PECAM1: variants seen among roughly 807,000 people sequenced by gnomAD.
PECAM1 encodes the protein platelet endothelial cell adhesion molecule.
In PECAM1, 8 loss-of-function variants were observed where a neutral mutation model predicts 13.8. The observed-to-expected ratio is 0.58, with a 90% confidence interval of 0.34 to 1.05. PECAM1 has a LOEUF of 1.05. PECAM1 is among the 50% of genes least tolerant of loss of function. The pLI is 0.03. For synonymous variants in PECAM1, 136 were observed against 52.6 expected, an observed-to-expected ratio of 2.58 and a Z score of -6.86; for missense variants, 304 against 141.2, an observed-to-expected ratio of 2.15 and a Z score of -5.84.
At chr17:64,327,766 CTT>C (rs782086025) in intron 15 of PECAM1, among the ~76,000 whole-genome samples, 22 of 152,188 alleles carry the variant, frequency 1.4e-4, no homozygotes, top group Admixed American at 5.2e-4. Flanking sequence ...CCAAATTAGT[CTT>C]TGGCTACGTG....
intron 14 of PECAM1, among the ~76,000 whole-genome samples, chr17:64,337,380 T>C (rs992771798): frequency 3.9e-5 from 6 of 152,188 alleles, no homozygotes; most frequent in African/African-American, 1.4e-4. Context: ...CTGAACTCTA[T>C]AGGGCTCAAG....
intron 14 of PECAM1, among the ~76,000 whole-genome samples, chr17:64,332,798 A>G (rs2143694263): frequency 6.6e-6 from 1 of 152,356 alleles, no homozygotes; most frequent in East Asian, 1.9e-4. Flanking sequence ...GGATGCGGTG[A>G]GGACCAGGGT....
chr17:64,388,857 G>A (rs983411469), intron 2 of PECAM1, among the ~76,000 whole-genome samples: 108 of 152,150 alleles, frequency 7.1e-4, no homozygotes, highest in African/African-American at 2.5e-3. Context: ...TAGTAGAGAC[G>A]GGGTTTCACT....
In PECAM1 at chr17:64,321,297, T is replaced by G. The variant is rs1285386869; in HGVS notation, c.*2519A>C. The G allele has an allele frequency of 3.3e-6, 1 of 305,502 alleles. No homozygotes were observed. 18.9% of individuals were successfully genotyped at this position (305,502 alleles called of 1,614,324 possible). A position where few individuals can be genotyped will look rare whatever the true frequency, so the allele number is the denominator to read the frequency against. ...ACTCCTGGAGTGGGTGCTCCTGGGA[T>G]GCTTCAGGTTTAGACACCGGGGTTA... On this transcript the variant is annotated 3_prime_UTR_variant, in exon 16 of 16. Coordinates refer to ENST00000563924, the MANE Select transcript of PECAM1 (RefSeq NM_000442.5).
chr17:64,344,603 G>A (rs992231574), intron 13 of PECAM1, among the ~76,000 whole-genome samples: 1 of 151,966 alleles, frequency 6.6e-6, no homozygotes, highest in Middle Eastern at 3.2e-3. Flanking sequence ...CATAGGAGGA[G>A]GAAGTCTTGA....
intron 11 of PECAM1, 114 bp from the exon 12 acceptor site, chr17:64,350,547 C>A: frequency 2.5e-6 from 1 of 400,780 alleles, no homozygotes; most frequent in Non-Finnish European, 4.6e-6. Flanking sequence ...AGTGTAGTGA[C>A]AACCAGCACT....
chr17:64,361,387 C>T (rs1363569032), intron 6 of PECAM1, among the ~76,000 whole-genome samples: 2 of 152,100 alleles, frequency 1.3e-5, no homozygotes, highest in East Asian at 3.9e-4. Flanking sequence ...CTCAGGTGAT[C>T]CACCCACCTT....
chr17:64,322,605 T>A lies in PECAM1; in HGVS notation c.*1211A>T. 4.1e-6 allele frequency: 4 copies of A among 985,400 alleles called. No homozygotes were observed. Among genetic ancestry groups the A allele is most frequent in the Non-Finnish European group, 4.8e-6 (4 of 829,908 alleles). The allele number at this position is 985,400 out of a possible 1,614,324, so 61.0% of individuals were successfully genotyped here. A position where few individuals can be genotyped will look rare whatever the true frequency, so the allele number is the denominator to read the frequency against. ...AAAAGTGATTTTGGCTAGGCGTGGTTCTCATCTGTGAAATTCCACAGCGCA... is the reference window on the plus strand; with the variant it reads ...AAAAGTGATTTTGGCTAGGCGTGGTACTCATCTGTGAAATTCCACAGCGCA... On this transcript the variant is annotated 3_prime_UTR_variant, in exon 16 of 16. Transcript: ENST00000563924.
chr17:64,333,241 G>A (rs922104680), intron 14 of PECAM1, among the ~76,000 whole-genome samples: 11 of 152,144 alleles, frequency 7.2e-5, no homozygotes, highest in Admixed American at 4.6e-4. Flanking sequence ...TGGCTCAACA[G>A]GTAGGGCTGG....
At chr17:64,382,043 T>C (rs2036492820) in intron 2 of PECAM1, among the ~76,000 whole-genome samples, 1 of 152,160 alleles carries the variant, frequency 6.6e-6, no homozygotes, top group Non-Finnish European at 1.5e-5. Flanking sequence ...GAGGTTGCAG[T>C]GAGCCAAGGT....
intron 12 of PECAM1, among the ~76,000 whole-genome samples, chr17:64,350,130 A>C (rs2035681642): frequency 6.6e-6 from 1 of 152,200 alleles, no homozygotes. Context: ...ATTATGAGTC[A>C]GGAAGTTGTT....
intron 8 of PECAM1, among the ~76,000 whole-genome samples, chr17:64,355,794 G>A (rs1409060061): frequency 3.9e-5 from 6 of 152,124 alleles, no homozygotes; most frequent in African/African-American, 7.2e-5. Context: ...TGTCTGTTCT[G>A]CGTGACCCAA....
rs2035614659 is a variant in PECAM1 at position 64,347,744 on chromosome 17, T to TATA, written c.2107+515_2107+516insTAT. On this transcript the variant is annotated intron_variant, in intron 13 of 15. Transcript: ENST00000563924. ...ATATATTTTATATATATATATATATTTTTTGAGATGGAGTCTCACTCTGTC... is the reference window on the plus strand; with the variant it reads ...ATATATTTTATATATATATATATATTATATTTTGAGATGGAGTCTCACTCTGTC... Among the ~76,000 whole-genome samples, 694 of 141,064 alleles carry TATA rather than the reference T, an allele frequency of 4.9e-3. 9 individuals carry two copies. Among genetic ancestry groups the TATA allele is most frequent in the African/African-American group, 0.019 (664 of 35,676 alleles). The allele number at this position is 141,064 out of a possible 152,430, so 92.5% of individuals were successfully genotyped here.
At chr17:64,327,672 G>A (rs2034994263) in intron 15 of PECAM1, among the ~76,000 whole-genome samples, 1 of 152,120 alleles carries the variant, frequency 6.6e-6, no homozygotes, top group South Asian at 2.1e-4. Flanking sequence ...GTCTGCGTCG[G>A]CCACACACAC....
intron 6 of PECAM1, among the ~76,000 whole-genome samples, chr17:64,361,753 C>CA (rs61144320): frequency 0.47 from 32,282 of 68,156 alleles, 7,688 homozygotes; most frequent in Middle Eastern, 0.57. Context: ...AACTCCATCT[C>CA]AAAAAAAAAA....
chr17:64,322,485 G>A lies in PECAM1; in HGVS notation c.*1331C>T. On this transcript the variant is annotated 3_prime_UTR_variant, in exon 16 of 16. Coordinates refer to ENST00000563924, the MANE Select transcript of PECAM1 (RefSeq NM_000442.5). Reference sequence around the variant, plus strand: ...TATAGATGCATGTGGCCCCTCAGAAGACAACATTTCACAGATCTGCAAAGA... The same window carrying A: ...TATAGATGCATGTGGCCCCTCAGAAAACAACATTTCACAGATCTGCAAAGA... 2.0e-6 allele frequency: 2 copies of A among 985,420 alleles called. No homozygotes were observed. The highest frequency in any genetic ancestry group is 2.4e-6 in the Non-Finnish European group (2 of 829,952). The allele number at this position is 985,420 out of a possible 1,614,324, so 61.0% of individuals were successfully genotyped here. A position where few individuals can be genotyped will look rare whatever the true frequency, so the allele number is the denominator to read the frequency against.
At chr17:64,336,898 G>A (rs2035293213) in intron 14 of PECAM1, among the ~76,000 whole-genome samples, 1 of 146,044 alleles carries the variant, frequency 6.8e-6, no homozygotes, top group African/African-American at 2.5e-5. Context: ...GAAGGAAGGA[G>A]AGAGAGAGAG....
chr17:64,342,770 C>T (rs2035467138), intron 13 of PECAM1, among the ~76,000 whole-genome samples: 1 of 152,104 alleles, frequency 6.6e-6, no homozygotes, highest in Non-Finnish European at 1.5e-5. Flanking sequence ...GTTTACCTTA[C>T]ACTGGGGTAT....
chr17:64,326,701 G>T lies in PECAM1; in HGVS notation c.2188-2856C>A, dbSNP rs77571152. Among the ~76,000 whole-genome samples, 546 of 152,310 alleles carry T rather than the reference G, an allele frequency of 3.6e-3. 1 individual carries two copies. Among genetic ancestry groups the T allele is most frequent in the African/African-American group, 0.013 (529 of 41,560 alleles). ...AGAACCAAAGCCACAGACAGGAAGGGCTGGGCCACAATCAACAGGGCCTTA... is the reference window on the plus strand; with the variant it reads ...AGAACCAAAGCCACAGACAGGAAGGTCTGGGCCACAATCAACAGGGCCTTA... On this transcript the variant is annotated intron_variant, in intron 15 of 15. Transcript: ENST00000563924.
Sources: gnomAD v4.1 joint callset for allele counts (sites outside exome capture counted in the v4.1 genomes callset) on GRCh38, gnomAD v4.1.1 for gene constraint, MANE v1.5 for transcripts, NCBI Gene and HGNC (gene_info 2026-07-23, HGNC 2026-07-21) for gene names.